SPATA17: variants seen among roughly 807,000 people sequenced by gnomAD.
SPATA17 encodes spermatogenesis associated 17, also known as spermatogenesis-associated protein 17.
SPATA17 carries 53 observed loss-of-function variants against 62.2 expected under a neutral mutation model. The observed-to-expected ratio is 0.85, with a 90% CI of 0.68 to 1.07. The LOEUF (loss-of-function observed/expected upper bound fraction) is 1.07, where lower values mean the gene tolerates loss of function less well. Among genes scored for constraint, SPATA17 ranks in the 50% least tolerant of loss-of-function variants. The pLI is 0.00. For missense variants in SPATA17, 466 were observed against 425.5 expected, an observed-to-expected ratio of 1.10 and a Z score of -0.84; for synonymous variants, 146 against 146.8, an observed-to-expected ratio of 0.99 and a Z score of 0.04.
At chr1:217,866,704 G>A (rs1034121231) in intron 10 of SPATA17, 2 of 152,090 alleles carry the variant, frequency 1.3e-5, no homozygotes, top group African/African-American at 4.8e-5. Context: ...AAGATCTGCA[G>A]TAGTGTAGAC....
chr1:217,827,462 A>G (rs146000897), intron 9 of SPATA17, among the ~76,000 whole-genome samples: 3 of 152,240 alleles, frequency 2.0e-5, no homozygotes, highest in Admixed American at 6.6e-5. Flanking sequence ...GTGGAAGACA[A>G]CATGGCAATT....
chr1:217,810,848 A>G (rs999428902), intron 9 of SPATA17, among the ~76,000 whole-genome samples: 5 of 151,910 alleles, frequency 3.3e-5, no homozygotes, highest in African/African-American at 9.7e-5. Context: ...ATCAGATCTC[A>G]TGAGAACTCA....
At chr1:217,670,951 A>AG (rs1409059090) in intron 4 of SPATA17, among the ~76,000 whole-genome samples, 5 of 124,356 alleles carry the variant, frequency 4.0e-5, no homozygotes, top group African/African-American at 1.3e-4. Flanking sequence ...ACTCCGTCTC[A>AG]GGAAAAAAAA....
chr1:217,750,070 A>G (rs1258348787), intron 6 of SPATA17, among the ~76,000 whole-genome samples: 1 of 140,936 alleles, frequency 7.1e-6, no homozygotes, highest in Non-Finnish European at 1.5e-5. Flanking sequence ...CCTCCCCTCT[A>G]CCTCTCACAG....
rs932403848 is a variant in SPATA17, at chr1:217,744,387, C to G, written c.519+2289C>G. Among the ~76,000 whole-genome samples, 19 of 46,444 alleles carry G rather than the reference C, an allele frequency of 4.1e-4. 6 individuals carry two copies. Among genetic ancestry groups the G allele is most frequent in the Non-Finnish European group, 1.1e-3 (15 of 14,080 alleles). 30.5% of individuals were successfully genotyped at this position (46,444 alleles called of 152,430 possible). On this transcript the variant is annotated intron_variant, in intron 6 of 10. Transcript: ENST00000366933. Reference sequence around the variant, plus strand: ...CTGAGGCAGGAGAATGGCGTGAACCCGGGAGGCGGAGCTTGCAGTGAGCCG... The same window carrying G: ...CTGAGGCAGGAGAATGGCGTGAACCGGGGAGGCGGAGCTTGCAGTGAGCCG...
At chr1:217,680,046 T>C (rs1428278029) in intron 4 of SPATA17, among the ~76,000 whole-genome samples, 2 of 152,218 alleles carry the variant, frequency 1.3e-5, no homozygotes, top group Non-Finnish European at 2.9e-5. Flanking sequence ...TTTCATGTGA[T>C]AGGTAGCCCC....
chr1:217,759,133 A>G (rs1056929254), intron 6 of SPATA17, among the ~76,000 whole-genome samples: 1 of 152,168 alleles, frequency 6.6e-6, no homozygotes, highest in Non-Finnish European at 1.5e-5. Context: ...GATAACTACA[A>G]TAGGGAAAAA....
intron 3 of SPATA17, among the ~76,000 whole-genome samples, chr1:217,655,629 C>G (rs540131245): frequency 3.9e-5 from 6 of 152,204 alleles, no homozygotes; most frequent in African/African-American, 1.4e-4. Flanking sequence ...ATTTACTTAC[C>G]AGCATTTTGC....
At chr1:217,655,453 A>G (rs889435051) in intron 3 of SPATA17, among the ~76,000 whole-genome samples, 3 of 152,250 alleles carry the variant, frequency 2.0e-5, no homozygotes, top group East Asian at 3.9e-4. Context: ...TACACTGTCA[A>G]CTTACTATTT....
intron 4 of SPATA17, among the ~76,000 whole-genome samples, chr1:217,676,944 C>T (rs1670960364): frequency 6.6e-6 from 1 of 152,124 alleles, no homozygotes; most frequent in African/African-American, 2.4e-5. Flanking sequence ...ATCCCCATAC[C>T]TGTTATTTAT....
At chr1:217,693,265 T>C (rs1244498981) in intron 5 of SPATA17, among the ~76,000 whole-genome samples, 1 of 141,056 alleles carries the variant, frequency 7.1e-6, no homozygotes, top group East Asian at 2.2e-4. Context: ...CTAGATTTTC[T>C]AGTTTATTTG....
At chr1:217,856,432 G>C (rs1034198720) in intron 9 of SPATA17, among the ~76,000 whole-genome samples, 2 of 152,174 alleles carry the variant, frequency 1.3e-5, no homozygotes, top group Non-Finnish European at 2.9e-5. Context: ...TTCAAACTCA[G>C]GCAGCTTGAC....
intron 8 of SPATA17, among the ~76,000 whole-genome samples, chr1:217,788,595 G>A (rs1418642627): frequency 6.6e-6 from 1 of 152,120 alleles, no homozygotes; most frequent in Non-Finnish European, 1.5e-5. Flanking sequence ...GGAGGTCAGA[G>A]TGATGCAATG....
intron 9 of SPATA17, among the ~76,000 whole-genome samples, chr1:217,832,500 G>C (rs1306054615): frequency 6.6e-6 from 1 of 152,024 alleles, no homozygotes; most frequent in Admixed American, 6.6e-5. Flanking sequence ...GAGATTTTCA[G>C]GTATCAAATG....
At chr1:217,790,175 T>G (rs1044624721) in intron 8 of SPATA17, among the ~76,000 whole-genome samples, 3 of 152,174 alleles carry the variant, frequency 2.0e-5, no homozygotes, top group Non-Finnish European at 4.4e-5. Context: ...CCCCCTTATC[T>G]GGGGTCTAAG....
At chr1:217,672,339 G>T (rs1404763203) in intron 4 of SPATA17, among the ~76,000 whole-genome samples, 1 of 152,098 alleles carries the variant, frequency 6.6e-6, no homozygotes, top group Non-Finnish European at 1.5e-5. Flanking sequence ...ATCTCTAAGG[G>T]TAACAGATAA....
chr1:217,724,658 T>C (rs1388951647), intron 5 of SPATA17, among the ~76,000 whole-genome samples: 1 of 152,182 alleles, frequency 6.6e-6, no homozygotes, highest in Non-Finnish European at 1.5e-5. Context: ...TTTGTACTTC[T>C]ACCAACAGTG....
At chr1:217,654,363 C>A (rs1553361813) in intron 3 of SPATA17, among the ~76,000 whole-genome samples, 3 of 152,158 alleles carry the variant, frequency 2.0e-5, no homozygotes, top group African/African-American at 7.2e-5. Context: ...TGGTCTCCAA[C>A]TCCTGCCTGC....
At position 217,683,266 on chromosome 1, in the gene SPATA17, A is replaced by T; in HGVS notation, c.300A>T (p.Arg100Ser). 6.2e-7 allele frequency: 1 copy of T among 1,600,664 alleles called. No individual in the cohort carries two copies. The highest frequency in any genetic ancestry group is 8.5e-7 in the Non-Finnish European group (1 of 1,172,834). ...LYNAMAVRIQRRWRGYRVRKY... is the reference protein window; with the variant it reads ...LYNAMAVRIQSRWRGYRVRKY... Reference sequence around the variant, plus strand: ...TTTATTTACTTTAATAGATTCAGAGACGATGGCGAGGCTATAGGGTTCGGA... The same window carrying T: ...TTTATTTACTTTAATAGATTCAGAGTCGATGGCGAGGCTATAGGGTTCGGA... The change falls in exon 5 of 11, where the codon AGA (arginine) becomes AGT (serine). Residue 100 changes from arginine to serine, a missense_variant. Transcript: ENST00000366933.
Sources: gnomAD v4.1 joint callset for allele counts (sites outside exome capture counted in the v4.1 genomes callset) on GRCh38, gnomAD v4.1.1 for gene constraint, MANE v1.5 for transcripts, NCBI Gene and HGNC (gene_info 2026-07-23, HGNC 2026-07-21) for gene names.